Variants in SPATC1 observed in about 807,000 individuals in gnomAD.
The protein encoded by SPATC1 is speriolin.
SPATC1 carries 35 observed loss-of-function variants against 36.5 expected under a neutral mutation model. The observed-to-expected ratio is 0.96, with a 90% confidence interval of 0.73 to 1.27. The LOEUF (loss-of-function observed/expected upper bound fraction) is 1.27. Among genes scored for constraint, SPATC1 ranks in the 50% most tolerant of loss-of-function variants. The pLI, the probability that SPATC1 is intolerant of heterozygous loss-of-function variation, is 0.00. For missense variants in SPATC1, 779 were observed against 796.0 expected (o/e 0.98, Z 0.26); for synonymous variants, 361 against 353.6 (o/e 1.02, Z -0.24).
intron 1 of SPATC1, among the ~76,000 whole-genome samples, chr8:144,023,257 A>AG (rs1408860614): frequency 0.039 from 27 of 698 alleles, 13 homozygotes; most frequent in Non-Finnish European, 0.048. Flanking sequence ...CTCTTCCCTG[A>AG]GAACTTCTCC....
intron 1 of SPATC1, among the ~76,000 whole-genome samples, chr8:144,027,772 C>T (rs1228061234): frequency 6.6e-6 from 1 of 152,144 alleles, no homozygotes; most frequent in African/African-American, 2.4e-5. Flanking sequence ...ACAGGTGGAT[C>T]ACTTGAGGTC....
At position 144,040,278 on chromosome 8, in the gene SPATC1, C is replaced by T; in HGVS notation, c.581C>T (p.Ser194Phe). ...IAPVMGTVAV[S>F]LSSPLLSSTA... ...CCTGTGATGGGCACGGTGGCTGTCT[C>T]TCTGAGCAGCCCCCTCCTCAGCTCC... The change falls in exon 2 of 5, where the codon TCT (serine) becomes TTT (phenylalanine). Residue 194 changes from serine (S) to phenylalanine (F), a missense_variant. Transcript: ENST00000377470. The T allele has an allele frequency of 6.2e-7, 1 of 1,612,858 alleles. No homozygotes were observed. The highest frequency in any genetic ancestry group is 8.5e-7 in the Non-Finnish European group (1 of 1,179,896).
intron 1 of SPATC1, among the ~76,000 whole-genome samples, chr8:144,031,450 C>CT (rs1176896425): frequency 0.74 from 85,973 of 116,398 alleles, 30,435 homozygotes; most frequent in East Asian, 0.84. Flanking sequence ...ATTTTTTTTT[C>CT]TTTTTTTTTT....
In SPATC1 at chr8:144,014,139, C is replaced by A. The variant is rs975087852; in HGVS notation, c.211+1413C>A. ...TGGTGGCACATGCCTGTGGTCCCAGCCACTTGGGAGGCTGAGACAGGAGAA... is the reference window on the plus strand; with the variant it reads ...TGGTGGCACATGCCTGTGGTCCCAGACACTTGGGAGGCTGAGACAGGAGAA... On this transcript the variant is annotated intron_variant, in intron 1 of 4. Coordinates refer to ENST00000377470, the MANE Select transcript of SPATC1 (RefSeq NM_198572.3). 7.9e-5 allele frequency among the ~76,000 whole-genome samples: 12 copies of A among 152,174 alleles called. No homozygotes were observed. In the South Asian group the frequency reaches 2.3e-3, roughly 29 times the overall value.
At chr8:144,012,868 C>A (rs1484616543) in intron 1 of SPATC1, 142 bp downstream of exon 1, 2 of 850,720 alleles carry the variant, frequency 2.4e-6, no homozygotes, top group African/African-American at 3.4e-5. Context: ...ACTCAGCTCA[C>A]CAGACAATGT....
chr8:144,044,944 G>A (rs782216670), intron 4 of SPATC1, among the ~76,000 whole-genome samples: 37 of 152,294 alleles, frequency 2.4e-4, no homozygotes, highest in Middle Eastern at 3.4e-3. Flanking sequence ...GCGAGACTCC[G>A]TCTCAAAACA....
rs1279784990 is a variant in SPATC1, at chr8:144,045,908, C to T, written c.1447-719C>T. Among the ~76,000 whole-genome samples the T allele has an allele frequency of 6.6e-6, 1 of 152,216 alleles. No homozygotes were observed. Among genetic ancestry groups the T allele is most frequent in the Non-Finnish European group, 1.5e-5 (1 of 68,040 alleles). ...GAGGGGCTGCCTTCATGATTACATG[C>T]CTTAGGGCGGGAGCCAGTCACTGCC... On this transcript the variant is annotated intron_variant, in intron 4 of 4. Coordinates refer to ENST00000377470, the MANE Select transcript of SPATC1 (RefSeq NM_198572.3). This position sits in a 1 kb window ranked among gnomAD's most constrained non-coding sequence, Gnocchi z 5.2.
intron 1 of SPATC1, among the ~76,000 whole-genome samples, chr8:144,019,285 G>C (rs1834456190): frequency 6.6e-6 from 1 of 152,344 alleles, no homozygotes; most frequent in South Asian, 2.1e-4. Context: ...CTCTGGCTGA[G>C]AGCGCAGCCA....
intron 1 of SPATC1, among the ~76,000 whole-genome samples, chr8:144,018,609 G>A (rs1278892772): frequency 6.6e-6 from 1 of 152,104 alleles, no homozygotes; most frequent in Non-Finnish European, 1.5e-5. Context: ...AGGGAAGGAG[G>A]AAGGAGAGCA....
chr8:144,012,125 G>A (rs1395901854), upstream of SPATC1, among the ~76,000 whole-genome samples: 1 of 152,248 alleles, frequency 6.6e-6, no homozygotes, highest in Non-Finnish European at 1.5e-5. Context: ...ATGTTAAGGA[G>A]CTAGCACGGA....
intron 1 of SPATC1, 49 bp downstream of exon 1, chr8:144,012,775 C>T (rs1554752657): frequency 6.5e-7 from 1 of 1,538,280 alleles, no homozygotes; most frequent in East Asian, 2.5e-5. Flanking sequence ...GGGGACTGCA[C>T]CAGAGAGGAG....
intron 1 of SPATC1, among the ~76,000 whole-genome samples, chr8:144,038,125 C>CAAA (rs369259902): frequency 5.0e-5 from 5 of 100,762 alleles, no homozygotes; most frequent in Admixed American, 1.1e-4. Context: ...GACTCTGTCT[C>CAAA]AAAAAAAAAA....
In SPATC1 at chr8:144,040,001, A is replaced by G. The variant is rs1554755394; in HGVS notation, c.304A>G (p.Thr102Ala). Reference sequence around the variant, plus strand: ...CTTGGCACCCCTGGCCGAGATGCTAACCAGCTTGCAGCCCAGCGCCACACC... The same window carrying G: ...CTTGGCACCCCTGGCCGAGATGCTAGCCAGCTTGCAGCCCAGCGCCACACC... ...MALAPLAEML[T>A]SLQPSATPGS... Residue 102 changes from threonine to alanine, a missense_variant, in exon 2 of 5, where the codon ACC becomes GCC. Physicochemically the swap from Thr to Ala is moderately conservative, Grantham distance 58. Transcript: ENST00000377470. The G allele has an allele frequency of 1.2e-6, 2 of 1,613,932 alleles. No individual in the cohort carries two copies. Among genetic ancestry groups the G allele is most frequent in the East Asian group, 4.5e-5 (2 of 44,878 alleles).
intron 1 of SPATC1, among the ~76,000 whole-genome samples, chr8:144,037,260 G>A (rs1245983188): frequency 5.4e-5 from 8 of 149,354 alleles, no homozygotes; most frequent in African/African-American, 2.0e-4. Context: ...CTGCCCGGCC[G>A]CCCCTACTGG....
Position 144,012,316 on chromosome 8 carries a change from G to C in SPATC1, c.-200G>C. 1 of 597,206 alleles carries C rather than the reference G, an allele frequency of 1.7e-6. No homozygotes were observed. The highest frequency in any genetic ancestry group is 2.0e-5 in the South Asian group (1 of 50,176). 37.0% of individuals were successfully genotyped at this position (597,206 alleles called of 1,614,324 possible). A position where few individuals can be genotyped will look rare whatever the true frequency, so the allele number is the denominator to read the frequency against. On this transcript the variant is annotated 5_prime_UTR_variant, in exon 1 of 5. Transcript: ENST00000377470. ...CGAGGCAAGGCCTGTGTACAGGCCT[G>C]GTGGCATGGAGAGCTGAGGGTGTTA...
upstream of SPATC1, among the ~76,000 whole-genome samples, chr8:144,011,584 A>C (rs2133087946): frequency 6.6e-6 from 1 of 152,308 alleles, no homozygotes; most frequent in Admixed American, 6.5e-5. This position sits in a 1 kb window ranked among gnomAD's most constrained non-coding sequence, Gnocchi z 4.5. Context: ...CTCACTCAGT[A>C]CTCAAGGTCA....
chr8:144,032,470 G>A (rs1385678851), intron 1 of SPATC1, among the ~76,000 whole-genome samples: 2 of 151,828 alleles, frequency 1.3e-5, no homozygotes, highest in Non-Finnish European at 2.9e-5. Context: ...TAGAGACAGG[G>A]TTTCACCATG....
At chr8:144,035,820 G>T (rs1834887318) in intron 1 of SPATC1, among the ~76,000 whole-genome samples, 1 of 152,258 alleles carries the variant, frequency 6.6e-6, no homozygotes, top group South Asian at 2.1e-4. Flanking sequence ...TGCGGGGACA[G>T]TGGCCCCTGA....
At chr8:144,020,359 C>T (rs1834483764) in intron 1 of SPATC1, among the ~76,000 whole-genome samples, 2 of 151,052 alleles carry the variant, frequency 1.3e-5, no homozygotes. Flanking sequence ...GAACCCTTTC[C>T]CCCGAGGACT....
Sources: allele counts gnomAD v4.1 joint callset (sites outside exome capture counted in the v4.1 genomes callset), GRCh38; gene constraint gnomAD v4.1.1; non-coding constraint Gnocchi (gnomAD v3.1); transcripts MANE v1.5; gene names NCBI Gene and HGNC (gene_info 2026-07-23, HGNC 2026-07-21).